CRB1: variants seen among roughly 807,000 people sequenced by gnomAD.
CRB1 encodes crumbs cell polarity complex component 1, also known as protein crumbs homolog 1.
Under a neutral mutation model 120.0 loss-of-function variants are expected in CRB1, and 83 were observed. The observed-to-expected ratio is 0.69, with a 90% CI of 0.58 to 0.83. CRB1 has a LOEUF of 0.83. Ranked by LOEUF, CRB1 falls within the 40% of genes least tolerant of loss-of-function variation. The pLI is 0.00. For missense variants in CRB1, 1,699 were observed against 1,687.6 expected (o/e 1.01, Z -0.12); for synonymous variants, 625 against 612.5 (o/e 1.02, Z -0.30).
At chr1:197,317,898 A>G (rs928437373) in intron 1 of CRB1, among the ~76,000 whole-genome samples, 1 of 152,204 alleles carries the variant, frequency 6.6e-6, no homozygotes, top group African/African-American at 2.4e-5. Flanking sequence ...TACTAACAGA[A>G]AACATAGGGG....
chr1:197,303,606 A>C (rs1418616803), intron 1 of CRB1, among the ~76,000 whole-genome samples: 1 of 151,880 alleles, frequency 6.6e-6, no homozygotes, highest in Non-Finnish European at 1.5e-5. Flanking sequence ...GTCAAATATC[A>C]TGAAATTCAG....
chr1:197,449,629 G>C (rs1316611772), intron 11 of CRB1, among the ~76,000 whole-genome samples: 2 of 152,126 alleles, frequency 1.3e-5, no homozygotes, highest in Non-Finnish European at 2.9e-5. Flanking sequence ...GCCTCCCAAA[G>C]TGCTGGAATT....
chr1:197,435,786 G>A lies in CRB1; in HGVS notation c.3749+174G>A, dbSNP rs182022463. Among the ~76,000 whole-genome samples, 9 of 152,186 alleles carry A rather than the reference G, an allele frequency of 5.9e-5. No homozygotes were observed. In the East Asian group the frequency reaches 1.7e-3, roughly 29 times the overall value. On this transcript the variant is annotated intron_variant, in intron 9 of 11. Coordinates refer to ENST00000367400, the MANE Select transcript of CRB1 (RefSeq NM_201253.3). Reference sequence around the variant, plus strand: ...GTTCAGATGGGATCTCACTTACCAGGATATTCTACAGGTCAGAAAGGTAGT... The same window carrying A: ...GTTCAGATGGGATCTCACTTACCAGAATATTCTACAGGTCAGAAAGGTAGT...
At position 197,356,925 on chromosome 1, in the gene CRB1, A is replaced by G. The variant is rs1558078408; in HGVS notation, c.1083A>G (p.Lys361=). The G allele has an allele frequency of 1.2e-6, 2 of 1,614,190 alleles. No individual in the cohort carries two copies. Among genetic ancestry groups the G allele is most frequent in the Non-Finnish European group, 8.5e-7 (1 of 1,180,012 alleles). ...AATGTGTGGAGCTGTCCTCAGAGAA[A>G]CAATATGGACGCATCACTGGACTGC... ...NGECVELSSE[K]QYGRITGLPS... Residue 361 remains lysine (K), a synonymous_variant, in exon 5 of 12, where the codon AAA becomes AAG. Coordinates refer to ENST00000367400, the MANE Select transcript of CRB1 (RefSeq NM_201253.3).
chr1:197,328,608 T>C lies in CRB1; in HGVS notation c.257T>C (p.Val86Ala). The C allele has an allele frequency of 1.2e-6, 2 of 1,614,236 alleles. No individual in the cohort carries two copies. The highest frequency in any genetic ancestry group is 1.7e-6 in the Non-Finnish European group (2 of 1,180,042). Residue 86 changes from valine (V) to alanine (A), a missense_variant, in exon 2 of 12, where the codon GTG becomes GCG. Val to Ala is a moderately conservative substitution (Grantham distance 64). Coordinates refer to ENST00000367400, the MANE Select transcript of CRB1 (RefSeq NM_201253.3). ...SNPCQGSATC[V>A]NTPGERSFLC... The stretch of plus-strand genomic sequence containing the variant: ...CCCTGTCAAGGAAGTGCCACTTGTG[T>C]GAACACCCCAGGAGAAAGGAGCTTT...
chr1:197,249,997 T>C, the CRB1 span, among the ~76,000 whole-genome samples: 33,732 of 151,970 alleles, frequency 0.22, 4,192 homozygotes, highest in Middle Eastern at 0.29. Context: ...ACAAGCACCA[T>C]GCACTCCTGC....
chr1:197,272,455 T>C (rs1654960164), intron 1 of CRB1, among the ~76,000 whole-genome samples: 1 of 152,134 alleles, frequency 6.6e-6, no homozygotes, highest in South Asian at 2.1e-4. Flanking sequence ...TGCATGCTTT[T>C]TTTTCATCAT....
intron 11 of CRB1, among the ~76,000 whole-genome samples, chr1:197,446,072 C>T (rs1452910080): frequency 3.3e-5 from 5 of 152,028 alleles, no homozygotes; most frequent in Non-Finnish European, 7.4e-5. Context: ...TGCCTGTAAT[C>T]CCAGCCACTC....
chr1:197,274,466 G>T (rs1210557645), intron 1 of CRB1, among the ~76,000 whole-genome samples: 2 of 152,110 alleles, frequency 1.3e-5, no homozygotes. Flanking sequence ...TGTCCTAAAT[G>T]ATTTTATAAA....
At chr1:197,297,553 G>C (rs1656605292) in intron 1 of CRB1, among the ~76,000 whole-genome samples, 1 of 152,068 alleles carries the variant, frequency 6.6e-6, no homozygotes, top group African/African-American at 2.4e-5. Context: ...TTTGCAAGTT[G>C]AGTTAGAATG....
chr1:197,280,736 A>C (rs1655471991), intron 1 of CRB1, among the ~76,000 whole-genome samples: 1 of 151,948 alleles, frequency 6.6e-6, no homozygotes, highest in African/African-American at 2.4e-5. Context: ...TTTTAAAAGA[A>C]GGATAGTTTT....
At chr1:197,447,644 C>T (rs569766058) in intron 11 of CRB1, among the ~76,000 whole-genome samples, 87 of 151,858 alleles carry the variant, frequency 5.7e-4, no homozygotes, top group African/African-American at 2.0e-3. Flanking sequence ...GATTTCCAGG[C>T]CAGCTAGGAA....
At chr1:197,432,657 A>G (rs1380807457) in intron 8 of CRB1, among the ~76,000 whole-genome samples, 1 of 152,156 alleles carries the variant, frequency 6.6e-6, no homozygotes, top group Non-Finnish European at 1.5e-5. Flanking sequence ...TTGGTTTCAT[A>G]AAGCTTATGT....
Position 197,434,883 on chromosome 1 carries a change from G to C in CRB1, c.3020G>C (p.Arg1007Thr). 1 of 1,613,786 alleles carries C rather than the reference G, an allele frequency of 6.2e-7. No homozygotes were observed. ...CTTAATATTAGCATTCAAGATTCCA[G>C]ATTATTCTTTCAATTGCAAAGTGGC... The part of the protein sequence containing the change: ...EFLNISIQDS[R>T]LFFQLQSGNS... The change falls in exon 9 of 12, where the codon AGA (arginine) becomes ACA (threonine). Residue 1007 changes from arginine to threonine, a missense_variant. Transcript: ENST00000367400.
At chr1:197,221,259 C>T in the CRB1 span, among the ~76,000 whole-genome samples, 1 of 152,118 alleles carries the variant, frequency 6.6e-6, no homozygotes, top group African/African-American at 2.4e-5. Context: ...TGATAACTGC[C>T]TGATAGTATG....
chr1:197,326,088 A>G lies in CRB1; in HGVS notation c.71-2334A>G, dbSNP rs1051076851. On this transcript the variant is annotated intron_variant, in intron 1 of 11. Transcript: ENST00000367400. The stretch of plus-strand genomic sequence containing the variant: ...ATCAAGGATCAATAATTATACATTT[A>G]AATATACATATATGTATGCATATAC... 5.3e-5 allele frequency among the ~76,000 whole-genome samples: 8 copies of G among 152,346 alleles called. No individual in the cohort carries two copies. In the South Asian group the frequency reaches 1.7e-3, roughly 32 times the overall value.
At chr1:197,400,020 T>C (rs1157473754) in intron 5 of CRB1, among the ~76,000 whole-genome samples, 2 of 152,164 alleles carry the variant, frequency 1.3e-5, no homozygotes, top group Non-Finnish European at 2.9e-5. Flanking sequence ...GGGAGGGGCT[T>C]ATCCAAGGAT....
chr1:197,422,832 A>C (rs571890540), intron 6 of CRB1: 49 of 152,300 alleles, frequency 3.2e-4, no homozygotes, highest in Middle Eastern at 3.4e-3. Context: ...GAAGTAGGAC[A>C]ACATCTGGTA....
chr1:197,427,030 G>T (rs1664618555), intron 6 of CRB1, among the ~76,000 whole-genome samples: 1 of 152,138 alleles, frequency 6.6e-6, no homozygotes, highest in Non-Finnish European at 1.5e-5. Flanking sequence ...TCCCTGCACA[G>T]TCCACTTGCA....
Sources: allele counts gnomAD v4.1 joint callset (sites outside exome capture counted in the v4.1 genomes callset), GRCh38; gene constraint gnomAD v4.1.1; transcripts MANE v1.5; gene names NCBI Gene and HGNC (gene_info 2026-07-23, HGNC 2026-07-21).